The following INSL3 variants were observed in gnomAD, a reference collection of about 807,000 sequenced individuals.
INSL3 encodes the protein insulin-like 3.
INSL3 carries 6 observed loss-of-function variants against 5.5 expected under a neutral mutation model. The ratio of observed to expected loss-of-function variants is 1.08; its 90% CI spans 0.59 to 2.14. The LOEUF (loss-of-function observed/expected upper bound fraction) is 2.14, where lower values mean the gene tolerates loss of function less well. Ranked by LOEUF, INSL3 falls within the 30% of genes most tolerant of loss-of-function variation. The probability of loss-of-function intolerance (pLI) is 0.00; values close to 1 mark genes in which losing one functional copy is unlikely to be tolerated. For synonymous variants in INSL3, 86 were observed against 82.1 expected, an observed-to-expected ratio of 1.05 and a Z score of -0.26; for missense variants, 178 against 184.7, an observed-to-expected ratio of 0.96 and a Z score of 0.21.
In INSL3 at chr19:17,821,335, G is replaced by T. The variant is rs1259019199; in HGVS notation, c.172C>A (p.Pro58Thr). The T allele has an allele frequency of 6.5e-7, 1 of 1,548,384 alleles. No homozygotes were observed. Among genetic ancestry groups the T allele is most frequent in the Non-Finnish European group, 8.7e-7 (1 of 1,146,750 alleles). ...GPRWSTEARR[P>T]ATGGDRELLQ... ...CACTCACGGTCGCCTCCGGTCGCAGGCCTCCTGGCTTCGGTGGACCAGCGG... is the reference window on the plus strand; with the variant it reads ...CACTCACGGTCGCCTCCGGTCGCAGTCCTCCTGGCTTCGGTGGACCAGCGG... The change falls in exon 1 of 2, where the codon CCT becomes ACT. Residue 58 changes from proline (P) to threonine (T), a missense_variant. By Grantham distance (38) the Pro-to-Thr change is conservative. Coordinates refer to ENST00000317306, the MANE Select transcript of INSL3 (RefSeq NM_005543.4).
In INSL3 at chr19:17,817,025, C is replaced by T. The variant is rs1599855184; in HGVS notation, c.225G>A (p.Leu75=). The part of the protein sequence containing the change: ...ELLQWLERRH[L]LHGLVADSNL... Reference sequence around the variant, plus strand: ...TACTGTCGGCCACCAGCCCATGGAGCAGATGTCGTCTCTCCAGCCACTGTA... The same window carrying T: ...TACTGTCGGCCACCAGCCCATGGAGTAGATGTCGTCTCTCCAGCCACTGTA... The change falls in exon 2 of 2, where the codon CTG becomes CTA. Residue 75 remains leucine (L), a synonymous_variant. Transcript: ENST00000317306. The T allele has an allele frequency of 6.2e-7, 1 of 1,613,660 alleles. No homozygotes were observed.
At position 17,821,304 on chromosome 19, in the gene INSL3, C is replaced by G. The variant is rs989610751; in HGVS notation, c.190+13G>C. The G allele has an allele frequency of 7.1e-6, 11 of 1,544,702 alleles. No homozygotes were observed. Among genetic ancestry groups the G allele is most frequent in the Non-Finnish European group, 8.7e-6 (10 of 1,146,576 alleles). ...GGCTTCCCAGAGCGCTGTCCCTGCC[C>G]GTCCCCACTCACGGTCGCCTCCGGT... On this transcript the variant is annotated intron_variant, in intron 1 of 1. Coordinates refer to ENST00000317306, the MANE Select transcript of INSL3 (RefSeq NM_005543.4).
chr19:17,821,254 C>T, intron 1 of INSL3, 63 bp downstream of exon 1: 1 of 1,511,366 alleles, frequency 6.6e-7, no homozygotes, highest in Non-Finnish European at 8.9e-7. Context: ...TGTGCATCTG[C>T]GCCTACGTGC....
intron 1 of INSL3, among the ~76,000 whole-genome samples, chr19:17,820,852 C>A (rs146429759): frequency 6.8e-6 from 1 of 147,712 alleles, no homozygotes; most frequent in Admixed American, 6.8e-5. Flanking sequence ...TTCACTCTGT[C>A]GCCCAGGCTG....
At position 17,816,714 on chromosome 19, in the gene INSL3, G is replaced by C. The variant is rs1004251177; in HGVS notation, c.*140C>G. 2.6e-6 allele frequency: 2 copies of C among 765,570 alleles called. No individual in the cohort carries two copies. Among genetic ancestry groups the C allele is most frequent in the Admixed American group, 4.1e-5 (2 of 48,612 alleles). The allele number at this position is 765,570 out of a possible 1,614,324, so 47.4% of individuals were successfully genotyped here. The stretch of plus-strand genomic sequence containing the variant: ...ACAGGCTGCAGGTGGCATTGGTCTG[G>C]GGTAGATAGTGAGCACCCATCCCAG... On this transcript the variant is annotated 3_prime_UTR_variant, in exon 2 of 2. Coordinates refer to ENST00000317306, the MANE Select transcript of INSL3 (RefSeq NM_005543.4).
At chr19:17,818,875 G>T (rs890749977) in intron 1 of INSL3, among the ~76,000 whole-genome samples, 1 of 151,472 alleles carries the variant, frequency 6.6e-6, no homozygotes, top group African/African-American at 2.4e-5. Flanking sequence ...CCAAATGTCA[G>T]CATCAGCTTT....
In INSL3 at chr19:17,816,891, C is replaced by T. The variant is rs2094188462; in HGVS notation, c.359G>A (p.Cys120Tyr). ...GAGGGTCAGCAGGTCTTGTTGGGTA[C>T]AGCCACTGAGGCAGCAGTAGCGTGC... Reference protein sequence around the residue: ...NPARYCCLSGCTQQDLLTLCP... With the variant: ...NPARYCCLSGYTQQDLLTLCP... Residue 120 changes from cysteine (C) to tyrosine (Y), a missense_variant, in exon 2 of 2, where the codon TGT becomes TAT. Transcript: ENST00000317306. 1 of 1,613,880 alleles carries T rather than the reference C, an allele frequency of 6.2e-7. No individual in the cohort carries two copies. Among genetic ancestry groups the T allele is most frequent in the Admixed American group, 1.7e-5 (1 of 60,000 alleles).
At chr19:17,819,035 C>T (rs572079571) in intron 1 of INSL3, among the ~76,000 whole-genome samples, 4 of 151,736 alleles carry the variant, frequency 2.6e-5, no homozygotes, top group South Asian at 2.1e-4. Context: ...CCACAACGCC[C>T]GGCTAATTTT....
Position 17,821,438 on chromosome 19 carries a change from G to A in INSL3, c.69C>T (p.Pro23=). 2 of 1,543,996 alleles carry A rather than the reference G, an allele frequency of 1.3e-6. No homozygotes were observed. Among genetic ancestry groups the A allele is most frequent in the Non-Finnish European group, 1.8e-6 (2 of 1,142,646 alleles). ...TCTCACGCATCTCTGGGGTGGGCGC[G>A]GGGCCCAACGCGAACACCAGGGCAG... ...LGPALVFALG[P]APTPEMREKL... The change falls in exon 1 of 2, where the codon CCC becomes CCT. Residue 23 remains proline (P), a synonymous_variant. Coordinates refer to ENST00000317306, the MANE Select transcript of INSL3 (RefSeq NM_005543.4).
In INSL3 at chr19:17,816,711, C is replaced by G; in HGVS notation, c.*143G>C. ...TCCACAGGCTGCAGGTGGCATTGGT[C>G]TGGGGTAGATAGTGAGCACCCATCC... On this transcript the variant is annotated 3_prime_UTR_variant, in exon 2 of 2. Coordinates refer to ENST00000317306, the MANE Select transcript of INSL3 (RefSeq NM_005543.4). The G allele has an allele frequency of 1.3e-6, 1 of 752,350 alleles. No individual in the cohort carries two copies. The highest frequency in any genetic ancestry group is 1.6e-5 in the South Asian group (1 of 63,310). The allele number at this position is 752,350 out of a possible 1,614,324, so 46.6% of individuals were successfully genotyped here. A position where few individuals can be genotyped will look rare whatever the true frequency, so the allele number is the denominator to read the frequency against.
chr19:17,817,115 A>G, intron 1 of INSL3, 56 bp from the exon 2 acceptor site: 1 of 1,504,308 alleles, frequency 6.6e-7, no homozygotes, highest in Non-Finnish European at 9.1e-7. Context: ...ATGCTACCCC[A>G]TGCTGCATGT....
intron 1 of INSL3, among the ~76,000 whole-genome samples, chr19:17,819,396 A>G (rs1467007232): frequency 6.6e-6 from 1 of 152,042 alleles, no homozygotes; most frequent in African/African-American, 2.4e-5. Context: ...TACAGGCATG[A>G]GCCACCACAT....
chr19:17,820,479 G>T, intron 1 of INSL3: 2 of 320,592 alleles, frequency 6.2e-6, no homozygotes, highest in South Asian at 4.6e-5. Flanking sequence ...GAAACAGAGT[G>T]AGACTCCCTC....
rs2094189913 is a variant in INSL3, at chr19:17,817,711, C to T, written c.191-652G>A. ...TGGGGAGGCTGGGGTGGGAGAATCA[C>T]TTGAACCCAGGAGGTGGAGGTTGCA... On this transcript the variant is annotated intron_variant, in intron 1 of 1. Coordinates refer to ENST00000317306, the MANE Select transcript of INSL3 (RefSeq NM_005543.4). Among the ~76,000 whole-genome samples the T allele has an allele frequency of 7.2e-5, 10 of 138,290 alleles. No individual in the cohort carries two copies. The Admixed American group carries it at 7.3e-4, about 10-fold the overall frequency. 90.7% of individuals were successfully genotyped at this position (138,290 alleles called of 152,430 possible). A position where few individuals can be genotyped will look rare whatever the true frequency, so the allele number is the denominator to read the frequency against.
rs1230508742 is a variant in INSL3, at chr19:17,816,513, C to A, written c.*341G>T. 2 of 353,320 alleles carry A rather than the reference C, an allele frequency of 5.7e-6. No individual in the cohort carries two copies. Among genetic ancestry groups the A allele is most frequent in the Non-Finnish European group, 1.1e-5 (2 of 186,324 alleles). 21.9% of individuals were successfully genotyped at this position (353,320 alleles called of 1,614,324 possible). A position where few individuals can be genotyped will look rare whatever the true frequency, so the allele number is the denominator to read the frequency against. ...CTTTTTCTAGAGAAAATGCAGGAAGCTGCTTTGGGTCGTTTATTTACTAAG... is the reference window on the plus strand; with the variant it reads ...CTTTTTCTAGAGAAAATGCAGGAAGATGCTTTGGGTCGTTTATTTACTAAG... On this transcript the variant is annotated 3_prime_UTR_variant, in exon 2 of 2. Coordinates refer to ENST00000317306, the MANE Select transcript of INSL3 (RefSeq NM_005543.4).
At chr19:17,817,810 A>G (rs1487210225) in intron 1 of INSL3, among the ~76,000 whole-genome samples, 5 of 149,392 alleles carry the variant, frequency 3.3e-5, no homozygotes, top group African/African-American at 9.8e-5. Context: ...AAAAAAAAAA[A>G]AAAAAAAAGC....
In INSL3 at chr19:17,818,589, C is replaced by T. The variant is rs376243954; in HGVS notation, c.191-1530G>A. ...CGAGATCGTGCCACTGCACTCCAGC[C>T]TGAGTGACAGAGCAAGACTGTCTCA... On this transcript the variant is annotated intron_variant, in intron 1 of 1. Transcript: ENST00000317306. Among the ~76,000 whole-genome samples, 3 of 151,904 alleles carry T rather than the reference C, an allele frequency of 2.0e-5. No individual in the cohort carries two copies. The East Asian group carries it at 5.8e-4, about 29-fold the overall frequency.
chr19:17,818,943 T>G lies in INSL3; in HGVS notation c.191-1884A>C, dbSNP rs8103641. Among the ~76,000 whole-genome samples, 326 of 149,098 alleles carry G rather than the reference T, an allele frequency of 2.2e-3. 1 individual carries two copies. Among genetic ancestry groups the G allele is most frequent in the African/African-American group, 7.6e-3 (310 of 40,838 alleles). The stretch of plus-strand genomic sequence containing the variant: ...AAGCTGGAGTGCAGTGGCGTGATCT[T>G]GGCTCACTGCAACCTCCACCTCCCG... On this transcript the variant is annotated intron_variant, in intron 1 of 1. Transcript: ENST00000317306.
chr19:17,818,659 C>T (rs751520977), intron 1 of INSL3, among the ~76,000 whole-genome samples: 123 of 151,688 alleles, frequency 8.1e-4, no homozygotes, highest in Non-Finnish European at 1.6e-3. Flanking sequence ...GGTTGTTTAC[C>T]CTCTACCCAA....
Sources: allele counts gnomAD v4.1 joint callset (sites outside exome capture counted in the v4.1 genomes callset), GRCh38; gene constraint gnomAD v4.1.1; transcripts MANE v1.5; gene names NCBI Gene and HGNC (gene_info 2026-07-23, HGNC 2026-07-21).